The following RAET1E variants were observed in gnomAD, a reference collection of about 807,000 sequenced individuals.
The protein encoded by RAET1E is NKG2D ligand 4.
RAET1E carries 27 observed loss-of-function variants against 21.1 expected under a neutral mutation model. The ratio of observed to expected loss-of-function variants is 1.28; its 90% confidence interval spans 0.94 to 1.76. The LOEUF (loss-of-function observed/expected upper bound fraction) is 1.76, where lower values mean the gene tolerates loss of function less well. RAET1E is among the 40% of genes most tolerant of loss of function. The probability of loss-of-function intolerance (pLI) is 0.00; values close to 1 mark genes in which losing one functional copy is unlikely to be tolerated. For synonymous variants in RAET1E, 113 were observed against 115.0 expected (o/e 0.98, Z 0.11); for missense variants, 310 against 311.3 (o/e 1.00, Z 0.03).
At position 149,887,478 on chromosome 6, in the gene RAET1E, C is replaced by T. The variant is rs1777659201; in HGVS notation, c.*1020G>A. 2.0e-5 allele frequency among the ~76,000 whole-genome samples: 3 copies of T among 152,194 alleles called. No individual in the cohort carries two copies. On this transcript the variant is annotated 3_prime_UTR_variant, in exon 6 of 6. Coordinates refer to ENST00000357183, the MANE Select transcript of RAET1E (RefSeq NM_001394057.1). ...CCAGTGGCCCTTATCTGACTCAAGC[C>T]ATATCTTGCCAAGCCTGTTGTGACA...
In RAET1E at chr6:149,890,870, A is replaced by T. The variant is rs1582772110; in HGVS notation, c.32T>A (p.Val11Glu). The change falls in exon 3 of 6, where the codon GTG becomes GAG. Residue 11 changes from valine to glutamate, a missense_variant. Val to Glu is a moderately radical substitution (Grantham distance 121). Transcript: ENST00000357183. ...CAACAGCAGAAACAAAAGAAGGCGCACAGGGCTAGAAGTCAGGGATATTCT... is the reference window on the plus strand; with the variant it reads ...CAACAGCAGAAACAAAAGAAGGCGCTCAGGGCTAGAAGTCAGGGATATTCT... Reference protein sequence around the residue: MRRISLTSSPVRLLLFLLLLL... With the variant: MRRISLTSSPERLLLFLLLLL... 6.2e-7 allele frequency: 1 copy of T among 1,613,416 alleles called. No homozygotes were observed. The highest frequency in any genetic ancestry group is 8.5e-7 in the Non-Finnish European group (1 of 1,179,518).
chr6:149,888,684 AAAG>A lies in RAET1E; in HGVS notation c.623-20_623-18del. 1.3e-6 allele frequency: 2 copies of A among 1,554,920 alleles called. No individual in the cohort carries two copies. The highest frequency in any genetic ancestry group is 1.2e-5 in the South Asian group (1 of 81,422). On this transcript the variant is annotated intron_variant, in intron 5 of 5. Transcript: ENST00000357183. ...CTGGTGACACTAAAAAAAAAAAAAA[AAAG>A]AAAAAAAAGCACAAGCCCTGTCACA...
chr6:149,895,523 G>A (rs1023295143), intron 2 of RAET1E: 1 of 152,208 alleles, frequency 6.6e-6, no homozygotes, highest in South Asian at 2.1e-4. Flanking sequence ...CCTCAGCAAC[G>A]GCAGAGGTCC....
At chr6:149,889,237 C>T in intron 5 of RAET1E, 111 bp downstream of exon 5, 1 of 1,490,960 alleles carries the variant, frequency 6.7e-7, no homozygotes, top group South Asian at 1.4e-5. Flanking sequence ...GACAGGAAGC[C>T]CACGGAGAAG....
chr6:149,891,949 A>G (rs9371542), intron 2 of RAET1E, among the ~76,000 whole-genome samples: 5 of 151,596 alleles, frequency 3.3e-5, no homozygotes, highest in African/African-American at 4.8e-5. Context: ...TCATTGGTCA[A>G]CTCTCACCTA....
chr6:149,884,356 T>C lies in RAET1E; in HGVS notation c.*4142A>G. 2 of 850,830 alleles carry C rather than the reference T, an allele frequency of 2.4e-6. No individual in the cohort carries two copies. The highest frequency in any genetic ancestry group is 1.9e-6 in the Non-Finnish European group (1 of 535,466). The allele number at this position is 850,830 out of a possible 1,614,324, so 52.7% of individuals were successfully genotyped here. A position where few individuals can be genotyped will look rare whatever the true frequency, so the allele number is the denominator to read the frequency against. On this transcript the variant is annotated 3_prime_UTR_variant, in exon 6 of 6. Coordinates refer to ENST00000357183, the MANE Select transcript of RAET1E (RefSeq NM_001394057.1). ...TCTTGCTCTGTTGCCAAGACTGGAA[T>C]GCAGAGGCGCGATCTCCGCTCATTG...
rs1490707682 is a variant in RAET1E, at chr6:149,884,874, T to C, written c.*3624A>G. On this transcript the variant is annotated 3_prime_UTR_variant, in exon 6 of 6. Coordinates refer to ENST00000357183, the MANE Select transcript of RAET1E (RefSeq NM_001394057.1). The stretch of plus-strand genomic sequence containing the variant: ...ACGACGCCATTTGCCAGGATTCCTG[T>C]GTCAGGGGTGAACCAGAAACCCAGG... 6.6e-6 allele frequency among the ~76,000 whole-genome samples: 1 copy of C among 152,128 alleles called. No individual in the cohort carries two copies. Among genetic ancestry groups the C allele is most frequent in the Non-Finnish European group, 1.5e-5 (1 of 68,000 alleles).
In RAET1E at chr6:149,888,223, G is replaced by A. The variant is rs974774725; in HGVS notation, c.*275C>T. 4.5e-6 allele frequency: 3 copies of A among 671,250 alleles called. No individual in the cohort carries two copies. The highest frequency in any genetic ancestry group is 1.8e-5 in the Admixed American group (1 of 54,524). 41.6% of individuals were successfully genotyped at this position (671,250 alleles called of 1,614,324 possible). On this transcript the variant is annotated 3_prime_UTR_variant, in exon 6 of 6. Transcript: ENST00000357183. ...AGCTAAATCACGGTAAACGCAGACAGCAAACAAACTTTCCGTCAAAGAGCT... is the reference window on the plus strand; with the variant it reads ...AGCTAAATCACGGTAAACGCAGACAACAAACAAACTTTCCGTCAAAGAGCT...
rs143265241 is a variant in RAET1E at position 149,885,090 on chromosome 6, C to T, written c.*3408G>A. On this transcript the variant is annotated 3_prime_UTR_variant, in exon 6 of 6. Transcript: ENST00000357183. ...GGAATTAAACCTAGAGACCCCTCAA[C>T]CTTTGGCATGTGATATACTTTCCCA... is the stretch of plus-strand genomic sequence containing the variant. 2.7e-3 allele frequency among the ~76,000 whole-genome samples: 413 copies of T among 152,306 alleles called. 1 individual carries two copies. Among genetic ancestry groups the T allele is most frequent in the African/African-American group, 9.5e-3 (395 of 41,570 alleles).
At chr6:149,889,760 C>T (rs1777793799) in intron 4 of RAET1E, 125 bp downstream of exon 4, 1 of 1,474,844 alleles carries the variant, frequency 6.8e-7, no homozygotes, top group East Asian at 2.3e-5. Flanking sequence ...CCATTGGGTC[C>T]CATGTGCCTC....
chr6:149,894,622 A>G (rs990286220), intron 2 of RAET1E, among the ~76,000 whole-genome samples: 3 of 152,126 alleles, frequency 2.0e-5, no homozygotes. Context: ...TTTTAGCTCC[A>G]TCAGGTCATT....
chr6:149,889,629 A>G lies in RAET1E; in HGVS notation c.347-6T>C, dbSNP rs559385866. 6.2e-7 allele frequency: 1 copy of G among 1,613,544 alleles called. No homozygotes were observed. The highest frequency in any genetic ancestry group is 2.2e-5 in the East Asian group (1 of 44,850). ...GACTTGCAGAGTGGAAGGATCTGCA[A>G]TCCAAACACAAAGCCATCATCCTCC... On this transcript the variant is annotated splice_region_variant and splice_polypyrimidine_tract_variant and intron_variant, in intron 4 of 5. Coordinates refer to ENST00000357183, the MANE Select transcript of RAET1E (RefSeq NM_001394057.1).
rs928911493 is a variant in RAET1E at position 149,884,785 on chromosome 6, G to C, written c.*3713C>G. Among the ~76,000 whole-genome samples, 2 of 152,246 alleles carry C rather than the reference G, an allele frequency of 1.3e-5. No homozygotes were observed. Among genetic ancestry groups the C allele is most frequent in the African/African-American group, 4.8e-5 (2 of 41,468 alleles). On this transcript the variant is annotated 3_prime_UTR_variant, in exon 6 of 6. Coordinates refer to ENST00000357183, the MANE Select transcript of RAET1E (RefSeq NM_001394057.1). ...GGGAAGGCCCACAGCGGGGGCAAGA[G>C]TCTTCCAGCTGTGGGCAAGGGTATC...
intron 2 of RAET1E, among the ~76,000 whole-genome samples, chr6:149,891,268 TCTC>T (rs1777882095): frequency 6.6e-6 from 1 of 152,028 alleles, no homozygotes; most frequent in South Asian, 2.1e-4. Context: ...CCTCTTCCCT[TCTC>T]CTCCCTGCCT....
At chr6:149,891,059 A>C in intron 2 of RAET1E, 25 bp from the exon 3 acceptor site, 2 of 552,856 alleles carry the variant, frequency 3.6e-6, no homozygotes, top group South Asian at 5.2e-5. Flanking sequence ...TTAAAGAACA[A>C]TTTTGTGAAG....
chr6:149,884,138 G>C lies in RAET1E; in HGVS notation c.*4360C>G, dbSNP rs947128642. The C allele has an allele frequency of 2.4e-5, 6 of 248,844 alleles. No homozygotes were observed. The highest frequency in any genetic ancestry group is 4.8e-5 in the Admixed American group (1 of 20,752). The allele number at this position is 248,844 out of a possible 1,614,324, so 15.4% of individuals were successfully genotyped here. ...ATAGAGGAGGGGGTGTTAGAACCAG[G>C]TGGGCTGGTGGTAGGATCATAGGTC... is the stretch of plus-strand genomic sequence containing the variant. On this transcript the variant is annotated 3_prime_UTR_variant, in exon 6 of 6. Coordinates refer to ENST00000357183, the MANE Select transcript of RAET1E (RefSeq NM_001394057.1).
Position 149,891,734 on chromosome 6 carries a change from T to A in RAET1E, c.-133-700A>T, listed in dbSNP as rs562297987. On this transcript the variant is annotated intron_variant, in intron 2 of 5. Transcript: ENST00000357183. ...AGACTCCATCTCTACAAAAAAAAAT[T>A]TTTTTTTATTATACTTTAAGTTTTG... 4.5e-3 allele frequency among the ~76,000 whole-genome samples: 679 copies of A among 151,286 alleles called. 2 individuals are homozygous for A. Among genetic ancestry groups the A allele is most frequent in the East Asian group, 8.1e-3 (42 of 5,156 alleles).
rs9383583 is a variant in RAET1E at position 149,890,867 on chromosome 6, C to A, written c.35G>T (p.Arg12Leu). Residue 12 changes from arginine (R) to leucine (L), a missense_variant, in exon 3 of 6, where the codon CGC becomes CTC. Arg to Leu is a moderately radical substitution (Grantham distance 102). Coordinates refer to ENST00000357183, the MANE Select transcript of RAET1E (RefSeq NM_001394057.1). ...RRISLTSSPV[R>L]LLLFLLLLLI... The stretch of plus-strand genomic sequence containing the variant: ...TAGCAACAGCAGAAACAAAAGAAGG[C>A]GCACAGGGCTAGAAGTCAGGGATAT... 1.2e-6 allele frequency: 2 copies of A among 1,612,914 alleles called. No individual in the cohort carries two copies. Among genetic ancestry groups the A allele is most frequent in the Admixed American group, 3.3e-5 (2 of 60,000 alleles).
At chr6:149,896,173 T>C (rs1163394801) in intron 1 of RAET1E, 141 bp from the exon 2 acceptor site, 3 of 152,226 alleles carry the variant, frequency 2.0e-5, no homozygotes, top group Non-Finnish European at 4.4e-5. Context: ...TTAATTCAAG[T>C]GCATGTCAGA....
Sources: allele counts gnomAD v4.1 joint callset (sites outside exome capture counted in the v4.1 genomes callset), GRCh38; gene constraint gnomAD v4.1.1; transcripts MANE v1.5; gene names NCBI Gene and HGNC (gene_info 2026-07-23, HGNC 2026-07-21).